The following LRRC7 variants were observed in gnomAD, a reference collection of about 807,000 sequenced individuals.
LRRC7 encodes the protein leucine rich repeat containing 7.
LRRC7 carries 23 observed loss-of-function variants against 175.7 expected under a neutral mutation model. The observed-to-expected ratio is 0.13, with a 90% CI of 0.09 to 0.19. LRRC7 has a LOEUF of 0.19. LRRC7 is among the 10% of genes least tolerant of loss of function. LRRC7 has a pLI of 1.00. For missense variants in LRRC7, 1,354 were observed against 1,904.7 expected, an observed-to-expected ratio of 0.71 and a Z score of 5.38; for synonymous variants, 685 against 680.9, an observed-to-expected ratio of 1.01 and a Z score of -0.09.
In LRRC7 at chr1:69,593,928, TA is replaced by T. The variant is rs545563160; in HGVS notation, c.2+25288del. Among the ~76,000 whole-genome samples, 35 of 152,312 alleles carry T rather than the reference TA, an allele frequency of 2.3e-4. No homozygotes were observed. The East Asian group carries it at 6.2e-3, about 27-fold the overall frequency. On this transcript the variant is annotated intron_variant, in intron 1 of 26. Transcript: ENST00000651989. ...TAACTCCCTTAACACAATCTATCCCTAGGCAGTATCTCCTGAGTCTTTGCCA... is the reference window on the plus strand; with the variant it reads ...TAACTCCCTTAACACAATCTATCCCTGGCAGTATCTCCTGAGTCTTTGCCA...
At chr1:70,091,505 T>G (rs1311186336) in intron 25 of LRRC7, among the ~76,000 whole-genome samples, 1 of 152,148 alleles carries the variant, frequency 6.6e-6, no homozygotes, top group East Asian at 1.9e-4. Context: ...TTCACTATAT[T>G]TTTGGAAGGT....
rs1260965182 is a variant in LRRC7, at chr1:70,132,838, A to C, written c.*10951A>C. Among the ~76,000 whole-genome samples, 1 of 152,058 alleles carries C rather than the reference A, an allele frequency of 6.6e-6. No homozygotes were observed. The highest frequency in any genetic ancestry group is 2.1e-4 in the South Asian group (1 of 4,816). Reference sequence around the variant, plus strand: ...CAGGTAAAAGCTCTGTGGAGAAAGGAGCAAAATTATTGTCCTATCATAAGA... The same window carrying C: ...CAGGTAAAAGCTCTGTGGAGAAAGGCGCAAAATTATTGTCCTATCATAAGA... On this transcript the variant is annotated 3_prime_UTR_variant, in exon 27 of 27. Coordinates refer to ENST00000651989, the MANE Select transcript of LRRC7 (RefSeq NM_001370785.2).
intron 10 of LRRC7, among the ~76,000 whole-genome samples, chr1:69,986,822 A>G (rs1653974820): frequency 6.6e-6 from 1 of 152,228 alleles, no homozygotes; most frequent in Non-Finnish European, 1.5e-5. Context: ...TATAAAAAGT[A>G]TAAACATAAA....
intron 1 of LRRC7, among the ~76,000 whole-genome samples, chr1:69,626,571 T>C (rs1442473760): frequency 6.6e-6 from 1 of 151,842 alleles, no homozygotes; most frequent in Non-Finnish European, 1.5e-5. Context: ...TTATTATGAT[T>C]ATTATTATTA....
rs80114650 is a variant in LRRC7, at chr1:69,740,674, T to C, written c.101-19517T>C. On this transcript the variant is annotated intron_variant, in intron 2 of 26. Coordinates refer to ENST00000651989, the MANE Select transcript of LRRC7 (RefSeq NM_001370785.2). ...AACAGGGTTCGAGCAGTTGGCTACA[T>C]GTGATTGGCCAAAACTCAGCGATTG... 4.2e-3 allele frequency among the ~76,000 whole-genome samples: 637 copies of C among 152,174 alleles called. 6 individuals are homozygous for C. The highest frequency in any genetic ancestry group is 0.015 in the African/African-American group (612 of 41,552).
At chr1:70,029,059 G>A (rs996182882) in intron 18 of LRRC7, among the ~76,000 whole-genome samples, 2 of 152,062 alleles carry the variant, frequency 1.3e-5, no homozygotes, top group Admixed American at 6.6e-5. Flanking sequence ...GTAAGTTCAC[G>A]TAACTACTTC....
intron 2 of LRRC7, among the ~76,000 whole-genome samples, chr1:69,719,758 A>G (rs1325551249): frequency 6.6e-6 from 1 of 151,704 alleles, no homozygotes; most frequent in Non-Finnish European, 1.5e-5. Context: ...CAAACAATAC[A>G]AAAAAGTATG....
intron 2 of LRRC7, among the ~76,000 whole-genome samples, chr1:69,719,770 T>C (rs1305052950): frequency 6.6e-6 from 1 of 151,656 alleles, no homozygotes. Context: ...AAAAGTATGA[T>C]GAAGAATGTA....
intron 8 of LRRC7, among the ~76,000 whole-genome samples, chr1:69,934,483 A>G (rs1290757324): frequency 1.3e-5 from 1 of 76,736 alleles, no homozygotes; most frequent in African/African-American, 5.4e-5. Context: ...AGAACATAAT[A>G]GATATTTTGG....
intron 23 of LRRC7, among the ~76,000 whole-genome samples, chr1:70,065,792 T>A (rs551498498): frequency 6.6e-6 from 1 of 152,140 alleles, no homozygotes; most frequent in Admixed American, 6.5e-5. Context: ...TTATTGTATA[T>A]TCTGTCCCCA....
chr1:69,823,675 A>G (rs1237016406), intron 4 of LRRC7, among the ~76,000 whole-genome samples: 1 of 152,172 alleles, frequency 6.6e-6, no homozygotes, highest in African/African-American at 2.4e-5. Context: ...TTATACGTTT[A>G]TACCTGAAGC....
At chr1:69,810,148 A>C (rs959588845) in intron 4 of LRRC7, among the ~76,000 whole-genome samples, 2 of 152,190 alleles carry the variant, frequency 1.3e-5, no homozygotes, top group African/African-American at 4.8e-5. Context: ...AGAGAGCCAA[A>C]TCATAAGTGA....
At chr1:70,009,875 G>T (rs563600057) in intron 11 of LRRC7, among the ~76,000 whole-genome samples, 1 of 152,202 alleles carries the variant, frequency 6.6e-6, no homozygotes, top group African/African-American at 2.4e-5. Context: ...ATTTTTTCAT[G>T]ACCCATGGAC....
At chr1:69,766,704 T>G (rs534215472) in intron 3 of LRRC7, among the ~76,000 whole-genome samples, 78 of 152,280 alleles carry the variant, frequency 5.1e-4, no homozygotes, top group African/African-American at 1.7e-3. Flanking sequence ...GCAAACTGTG[T>G]GAACTAACAT....
At chr1:69,707,550 C>T (rs1406683682) in intron 2 of LRRC7, among the ~76,000 whole-genome samples, 2 of 152,134 alleles carry the variant, frequency 1.3e-5, no homozygotes, top group Non-Finnish European at 2.9e-5. Flanking sequence ...ATTCTCAACT[C>T]TGTCTCAGGC....
At chr1:69,611,832 T>C (rs1419335856) in intron 1 of LRRC7, among the ~76,000 whole-genome samples, 2 of 152,084 alleles carry the variant, frequency 1.3e-5, no homozygotes, top group Non-Finnish European at 2.9e-5. Flanking sequence ...GTTTATAACA[T>C]GATGACACAA....
chr1:69,593,579 CTT>C lies in LRRC7; in HGVS notation c.2+24939_2+24940del, dbSNP rs150991309. Among the ~76,000 whole-genome samples the C allele has an allele frequency of 5.3e-5, 8 of 152,212 alleles. No homozygotes were observed. The East Asian group carries it at 5.8e-4, about 11-fold the overall frequency. On this transcript the variant is annotated intron_variant, in intron 1 of 26. Transcript: ENST00000651989. ...ATTTTTTTCTTAACCTTAATATCCT[CTT>C]GTTTTTAAATGCTCTGTTTTTGTAA...
At chr1:70,100,753 G>A (rs1664748734) in intron 25 of LRRC7, among the ~76,000 whole-genome samples, 1 of 151,770 alleles carries the variant, frequency 6.6e-6, no homozygotes, top group South Asian at 2.1e-4. Context: ...CAATTAACTG[G>A]TTTGTGATGT....
chr1:69,971,124 C>A (rs1015963437), intron 8 of LRRC7, among the ~76,000 whole-genome samples: 3 of 152,188 alleles, frequency 2.0e-5, no homozygotes, highest in Middle Eastern at 6.8e-3. Flanking sequence ...CAAGGACATA[C>A]CTCAATGTAA....
Sources: gnomAD v4.1 joint callset for allele counts (sites outside exome capture counted in the v4.1 genomes callset) on GRCh38, gnomAD v4.1.1 for gene constraint, MANE v1.5 for transcripts, NCBI Gene and HGNC (gene_info 2026-07-23, HGNC 2026-07-21) for gene names.